The following CDYL variants were observed in gnomAD, a reference collection of about 807,000 sequenced individuals.
CDYL encodes chromodomain Y like.
A neutral mutation model predicts 47.3 loss-of-function variants in CDYL; 8 were observed. The observed-to-expected ratio is 0.17, with a 90% CI of 0.10 to 0.31. The LOEUF is 0.31. Ranked by LOEUF, CDYL falls within the 10% of genes least tolerant of loss-of-function variation. The probability of loss-of-function intolerance (pLI) is 1.00; values close to 1 mark genes in which losing one functional copy is unlikely to be tolerated. For synonymous variants in CDYL, 266 were observed against 265.0 expected (o/e 1.00, Z -0.04); for missense variants, 471 against 701.4 (o/e 0.67, Z 3.71).
At chr6:4,814,080 A>G (rs1364820113) in intron 1 of CDYL, among the ~76,000 whole-genome samples, 1 of 152,154 alleles carries the variant, frequency 6.6e-6, no homozygotes, top group Non-Finnish European at 1.5e-5. Context: ...CACCTGGCCA[A>G]GTATTTTTTA....
intron 3 of CDYL, among the ~76,000 whole-genome samples, chr6:4,737,611 A>T (rs1757725817): frequency 1.3e-5 from 2 of 151,572 alleles, no homozygotes. Flanking sequence ...CATGTTGCAA[A>T]ACTCCGTCTC....
At chr6:4,779,965 C>T (rs1232064219) in intron 1 of CDYL, among the ~76,000 whole-genome samples, 1 of 151,712 alleles carries the variant, frequency 6.6e-6, no homozygotes, top group East Asian at 1.9e-4. Context: ...TGTTTTTTTT[C>T]CAATCACTTA....
intron 1 of CDYL, among the ~76,000 whole-genome samples, chr6:4,789,265 G>T (rs1022074583): frequency 2.0e-5 from 3 of 152,056 alleles, no homozygotes; most frequent in African/African-American, 4.8e-5. Flanking sequence ...TAGTAGATAC[G>T]GGGTTTCGCC....
intron 1 of CDYL, among the ~76,000 whole-genome samples, chr6:4,798,308 G>A (rs955548075): frequency 2.6e-5 from 4 of 152,078 alleles, no homozygotes; most frequent in African/African-American, 9.7e-5. Flanking sequence ...TGAGGATTTG[G>A]GGATAAGTTC....
intron 2 of CDYL, among the ~76,000 whole-genome samples, chr6:4,723,206 G>A (rs1211133813): frequency 6.6e-6 from 1 of 152,172 alleles, no homozygotes; most frequent in African/African-American, 2.4e-5. Flanking sequence ...TTACATGGCA[G>A]TAGATATTAA....
intron 3 of CDYL, among the ~76,000 whole-genome samples, chr6:4,936,911 C>T (rs1306296263): frequency 6.6e-6 from 1 of 151,964 alleles, no homozygotes; most frequent in South Asian, 2.1e-4. Flanking sequence ...TAATTATACT[C>T]GAGTTATGTA....
chr6:4,842,196 AAT>A (rs1472574432), intron 1 of CDYL, among the ~76,000 whole-genome samples: 1 of 144,270 alleles, frequency 6.9e-6, no homozygotes, highest in East Asian at 1.9e-4. Flanking sequence ...TAATATAAAT[AAT>A]ATAAATAATA....
At chr6:4,859,564 G>A (rs1761105016) in intron 1 of CDYL, among the ~76,000 whole-genome samples, 1 of 152,196 alleles carries the variant, frequency 6.6e-6, no homozygotes, top group South Asian at 2.1e-4. Flanking sequence ...ACTGTCCCAG[G>A]AAAGGGGATT....
At chr6:4,747,377 G>A (rs1310954907) in intron 3 of CDYL, among the ~76,000 whole-genome samples, 1 of 151,278 alleles carries the variant, frequency 6.6e-6, no homozygotes, top group Non-Finnish European at 1.5e-5. Flanking sequence ...TAATCAAAGA[G>A]AATCAATAGG....
intron 2 of CDYL, among the ~76,000 whole-genome samples, chr6:4,728,634 A>G (rs1180780573): frequency 2.0e-5 from 3 of 152,186 alleles, no homozygotes; most frequent in Non-Finnish European, 4.4e-5. Flanking sequence ...TGCTTATTAA[A>G]GGGAAAGGAA....
At chr6:4,934,513 A>T (rs569216069) in intron 2 of CDYL, among the ~76,000 whole-genome samples, 1 of 152,240 alleles carries the variant, frequency 6.6e-6, no homozygotes, top group East Asian at 1.9e-4. Context: ...ATAATTCTTC[A>T]TGCTCCGCCC....
intron 1 of CDYL, among the ~76,000 whole-genome samples, chr6:4,883,686 G>C (rs901841126): frequency 6.6e-6 from 1 of 152,232 alleles, no homozygotes; most frequent in African/African-American, 2.4e-5. Flanking sequence ...AGAAAGCTCT[G>C]TTGAAGGCAC....
At chr6:4,821,257 A>ATTTTTTT (rs1561653727) in intron 1 of CDYL, among the ~76,000 whole-genome samples, 10 of 125,472 alleles carry the variant, frequency 8.0e-5, no homozygotes, top group Admixed American at 4.3e-4. Flanking sequence ...TCATATGGGA[A>ATTTTTTT]TTCTTTTTTT....
At chr6:4,919,431 G>A (rs1757648412) in intron 2 of CDYL, among the ~76,000 whole-genome samples, 1 of 152,210 alleles carries the variant, frequency 6.6e-6, no homozygotes, top group Non-Finnish European at 1.5e-5. Context: ...TGTCTGAAAT[G>A]CTTGGGACCA....
intron 2 of CDYL, among the ~76,000 whole-genome samples, chr6:4,894,377 C>T (rs1180083747): frequency 6.6e-6 from 1 of 152,130 alleles, no homozygotes; most frequent in Non-Finnish European, 1.5e-5. Flanking sequence ...GAGCTATAGT[C>T]CGTGGGCTTG....
At chr6:4,852,549 TTCCTTCCTTCCA>T (rs1265225174) in intron 1 of CDYL, among the ~76,000 whole-genome samples, 2 of 138,396 alleles carry the variant, frequency 1.4e-5, no homozygotes, top group Non-Finnish European at 3.0e-5. Context: ...CCTTCCTTCC[TTCCTTCCTTCCA>T]ATCTTCCTTC....
At chr6:4,942,547 A>G (rs117836934) in intron 4 of CDYL, among the ~76,000 whole-genome samples, 3 of 152,362 alleles carry the variant, frequency 2.0e-5, no homozygotes, top group East Asian at 3.9e-4. Flanking sequence ...CTTCTGATCT[A>G]GAACTCAGCC....
intron 1 of CDYL, among the ~76,000 whole-genome samples, chr6:4,851,664 A>G (rs1370080613): frequency 6.6e-6 from 1 of 152,236 alleles, no homozygotes; most frequent in Non-Finnish European, 1.5e-5. Context: ...GCATTCGCAG[A>G]CGCATTGCAT....
At chr6:4,938,221 GTTTTTTTTGTTGTTTT>G (rs1172932704) in intron 4 of CDYL, among the ~76,000 whole-genome samples, 1 of 144,942 alleles carries the variant, frequency 6.9e-6, no homozygotes, top group Non-Finnish European at 1.5e-5. Context: ...TTGTTTTTTG[GTTTTTTTTGTTGTTTT>G]TTTTTTTTGT....
Sources: gnomAD v4.1 joint callset for allele counts (sites outside exome capture counted in the v4.1 genomes callset) on GRCh38, gnomAD v4.1.1 for gene constraint, MANE v1.5 for transcripts, NCBI Gene and HGNC (gene_info 2026-07-23, HGNC 2026-07-21) for gene names.